The following MKLN1 variants were observed in gnomAD, a reference collection of about 807,000 sequenced individuals.
MKLN1 encodes the protein muskelin.
Under a neutral mutation model 99.0 loss-of-function variants are expected in MKLN1, and 18 were observed. That is an observed-to-expected ratio of 0.18 (90% confidence interval 0.13 to 0.27). MKLN1 has a LOEUF of 0.27. MKLN1 is among the 10% of genes least tolerant of loss of function. MKLN1 has a pLI of 1.00. For synonymous variants in MKLN1, 288 were observed against 293.2 expected (o/e 0.98, Z 0.18); for missense variants, 621 against 875.9 (o/e 0.71, Z 3.67).
At chr7:131,341,168 A>AT (rs995288548) in intron 1 of MKLN1, among the ~76,000 whole-genome samples, 2,489 of 145,674 alleles carry the variant, frequency 0.017, 44 homozygotes, top group African/African-American at 0.055. Context: ...TTGTTGGTTG[A>AT]TTTTTTTTTT....
intron 1 of MKLN1, among the ~76,000 whole-genome samples, chr7:131,330,898 AAAAG>A (rs1192995076): frequency 6.6e-6 from 1 of 152,180 alleles, no homozygotes; most frequent in African/African-American, 2.4e-5. Context: ...TGAGACTAAA[AAAAG>A]GCCTTTTATT....
At chr7:131,229,441 G>A (rs1043608034) in intron 3 of MKLN1, among the ~76,000 whole-genome samples, 1 of 152,124 alleles carries the variant, frequency 6.6e-6, no homozygotes, top group African/African-American at 2.4e-5. Context: ...AGTTAAGGTA[G>A]AGGAGTTGTG....
intron 1 of MKLN1, among the ~76,000 whole-genome samples, chr7:131,374,846 A>G (rs1339804579): frequency 1.3e-5 from 2 of 152,132 alleles, no homozygotes; most frequent in African/African-American, 4.8e-5. Flanking sequence ...ATGTAACAAT[A>G]TGATTGCATG....
intron 2 of MKLN1, among the ~76,000 whole-genome samples, chr7:131,190,921 T>A (rs35512611): frequency 0.22 from 33,056 of 152,090 alleles, 3,766 homozygotes; most frequent in Admixed American, 0.26. Flanking sequence ...TGCTATTTAA[T>A]CCTAAAACTG....
At chr7:131,420,405 G>C (rs1033653506) in intron 8 of MKLN1, among the ~76,000 whole-genome samples, 5 of 152,092 alleles carry the variant, frequency 3.3e-5, no homozygotes, top group Non-Finnish European at 7.4e-5. Context: ...AAGAAGCTAA[G>C]GATGACTTAA....
chr7:131,182,797 A>T (rs1446036889), intron 2 of MKLN1, among the ~76,000 whole-genome samples: 2 of 152,202 alleles, frequency 1.3e-5, no homozygotes, highest in Non-Finnish European at 2.9e-5. Context: ...TGAACTATGC[A>T]CTAGAGTACA....
intron 2 of MKLN1, among the ~76,000 whole-genome samples, chr7:131,200,540 G>A (rs1223359757): frequency 6.6e-6 from 1 of 152,204 alleles, no homozygotes; most frequent in African/African-American, 2.4e-5. Flanking sequence ...AAAATTAGAT[G>A]CCATTTCCTG....
chr7:131,328,900 G>A (rs575281410), intron 1 of MKLN1, among the ~76,000 whole-genome samples: 213 of 152,036 alleles, frequency 1.4e-3, no homozygotes, highest in African/African-American at 4.8e-3. Context: ...ATTTATCTTT[G>A]GCTTATCTTT....
At chr7:131,149,065 G>C (rs1795853587) in intron 2 of MKLN1, among the ~76,000 whole-genome samples, 1 of 152,280 alleles carries the variant, frequency 6.6e-6, no homozygotes, top group African/African-American at 2.4e-5. Context: ...GAAAAGGTCA[G>C]TGTTGTTTGG....
At position 131,257,170 on chromosome 7, in the gene MKLN1, AC is replaced by A. The variant is rs563561677; in HGVS notation, c.-179+54197del. On this transcript the variant is annotated intron_variant, in intron 3 of 7. Coordinates refer to the MKLN1 transcript ENST00000416992. ...TCCAACCAACAACAGCACAATCGAT[AC>A]TCTTCTCAATTGAATATGGACTGTT... 1.2e-3 allele frequency among the ~76,000 whole-genome samples: 188 copies of A among 152,180 alleles called. 2 individuals are homozygous for A. The highest frequency in any genetic ancestry group is 3.9e-3 in the African/African-American group (160 of 41,510).
chr7:131,175,172 TTAGATAGATAGACAGATAGA>T lies in MKLN1; in HGVS notation c.-296-27672_-296-27653del, dbSNP rs1287188412. Among the ~76,000 whole-genome samples the T allele has an allele frequency of 3.5e-5, 4 of 113,770 alleles. No individual in the cohort carries two copies. In the East Asian group the frequency reaches 9.9e-4, roughly 28 times the overall value. The allele number at this position is 113,770 out of a possible 152,430, so 74.6% of individuals were successfully genotyped here. A position where few individuals can be genotyped will look rare whatever the true frequency, so the allele number is the denominator to read the frequency against. On this transcript the variant is annotated intron_variant, in intron 2 of 7. Coordinates refer to the MKLN1 transcript ENST00000416992. ...TGGATGGATAGATAGATAGATTAGATTAGATAGATAGACAGATAGATAGATAGATAGATAGAATGGATGGA... is the reference window on the plus strand; with the variant it reads ...TGGATGGATAGATAGATAGATTAGATTAGATAGATAGATAGAATGGATGGA...
chr7:131,141,257 GCT>G, intron 1 of MKLN1, among the ~76,000 whole-genome samples: 1 of 152,220 alleles, frequency 6.6e-6, no homozygotes, highest in South Asian at 2.1e-4. Context: ...GCTTGCTGTT[GCT>G]CTGAATGTTC....
intron 3 of MKLN1, among the ~76,000 whole-genome samples, chr7:131,218,948 C>T (rs1797023731): frequency 6.6e-6 from 1 of 152,118 alleles, no homozygotes; most frequent in African/African-American, 2.4e-5. Context: ...CTTTCAGACT[C>T]ATTTATGAGA....
chr7:131,338,520 A>G (rs1382081057), intron 1 of MKLN1, among the ~76,000 whole-genome samples: 1 of 152,262 alleles, frequency 6.6e-6, no homozygotes, highest in Non-Finnish European at 1.5e-5. Flanking sequence ...AGAAAGTCTG[A>G]TATTTTAAGA....
At chr7:131,446,026 C>A in intron 12 of MKLN1, 123 bp downstream of exon 12, 1 of 576,600 alleles carries the variant, frequency 1.7e-6, no homozygotes, top group Non-Finnish European at 2.7e-6. Flanking sequence ...TGAGTAATTC[C>A]AAGTAAGAGA....
chr7:131,214,683 A>G (rs938984449), intron 3 of MKLN1, among the ~76,000 whole-genome samples: 2 of 152,144 alleles, frequency 1.3e-5, no homozygotes, highest in Non-Finnish European at 2.9e-5. Context: ...TTTCCACCAA[A>G]TGCATGTAAT....
At chr7:131,186,321 T>C (rs1246477492) in intron 2 of MKLN1, among the ~76,000 whole-genome samples, 1 of 151,962 alleles carries the variant, frequency 6.6e-6, no homozygotes, top group Non-Finnish European at 1.5e-5. Flanking sequence ...CTGGGCAACA[T>C]AGCAAGATAC....
intron 1 of MKLN1, among the ~76,000 whole-genome samples, chr7:131,116,284 A>C (rs540450596): frequency 6.6e-6 from 1 of 152,178 alleles, no homozygotes; most frequent in South Asian, 2.1e-4. Flanking sequence ...TCTTAGTGTA[A>C]TTGGAATGGC....
At chr7:131,301,859 G>T (rs1232877641) in intron 3 of MKLN1, among the ~76,000 whole-genome samples, 1 of 152,150 alleles carries the variant, frequency 6.6e-6, no homozygotes, top group Non-Finnish European at 1.5e-5. Flanking sequence ...AAGGGGAAGA[G>T]GTGGAGATAG....
Sources: allele counts gnomAD v4.1 joint callset (sites outside exome capture counted in the v4.1 genomes callset), GRCh38; gene constraint gnomAD v4.1.1; transcripts MANE v1.5; gene names NCBI Gene and HGNC (gene_info 2026-07-23, HGNC 2026-07-21).